The following HCN2 variants were observed in gnomAD, a reference collection of about 807,000 sequenced individuals.
HCN2 encodes hyperpolarization activated cyclic nucleotide gated potassium and sodium channel 2, also known as potassium/sodium hyperpolarization-activated cyclic nucleotide-gated channel 2.
A neutral mutation model predicts 52.3 loss-of-function variants in HCN2; 20 were observed. The ratio of observed to expected loss-of-function variants is 0.38; its 90% CI spans 0.27 to 0.56. The LOEUF (loss-of-function observed/expected upper bound fraction) is 0.56. Among genes scored for constraint, HCN2 ranks in the 20% least tolerant of loss-of-function variants. The probability of loss-of-function intolerance (pLI) is 0.71; values close to 1 mark genes in which losing one functional copy is unlikely to be tolerated. For missense variants in HCN2, 981 were observed against 1,207.7 expected, an observed-to-expected ratio of 0.81 and a Z score of 2.78; for synonymous variants, 694 against 537.0, an observed-to-expected ratio of 1.29 and a Z score of -4.04.
chr19:596,334 G>A (rs1029652072), intron 1 of HCN2, among the ~76,000 whole-genome samples: 3 of 152,284 alleles, frequency 2.0e-5, no homozygotes, highest in South Asian at 4.1e-4. Flanking sequence ...GTCAGGTGCC[G>A]GGGGCCCCAC....
intron 3 of HCN2, 79 bp downstream of exon 3, chr19:605,301 T>TCAAGTGGCACGCTC: frequency 7.2e-7 from 1 of 1,389,852 alleles, no homozygotes; most frequent in Admixed American, 2.2e-5. Context: ...TTATCCCGCT[T>TCAAGTGGCACGCTC]ACAGAGGGTT....
intron 6 of HCN2, among the ~76,000 whole-genome samples, 174 bp downstream of exon 6, chr19:613,662 CGGGGATGGGGATGG>C (rs1156401344): frequency 0.018 from 238 of 13,172 alleles, 17 homozygotes; most frequent in Non-Finnish European, 0.026. Flanking sequence ...GGGATGGGGC[CGGGGATGGGGATGG>C]GGCCGGGGAT....
chr19:603,976 G>T lies in HCN2; in HGVS notation c.1056+9G>T. On this transcript the variant is annotated intron_variant, in intron 2 of 7. Transcript: ENST00000251287. ...TCCATCAGTGGGAGGAGGTGAGGTG[G>T]GGCGGGGGCGGGGCCAAGGCAGCAG... 6.3e-7 allele frequency: 1 copy of T among 1,589,426 alleles called. No individual in the cohort carries two copies. The highest frequency in any genetic ancestry group is 8.5e-7 in the Non-Finnish European group (1 of 1,170,164).
At chr19:613,112 GGT>G in intron 5 of HCN2, 134 bp from the exon 6 acceptor site, 12 of 1,198,656 alleles carry the variant, frequency 1.0e-5, no homozygotes, top group Non-Finnish European at 1.4e-5. Flanking sequence ...GCAGCAGCTC[GGT>G]TCCGGCTACG....
rs766002207 is a variant in HCN2, at chr19:608,014, C to T, written c.1269C>T (p.Ser423=). Residue 423 remains serine (S), a synonymous_variant, in exon 4 of 8, where the codon AGC becomes AGT. Transcript: ENST00000251287. ...LYSFALFKAM[S]HMLCIGYGRQ... ...CCTTCGCACTCTTCAAGGCCATGAG[C>T]CACATGCTGTGCATCGGGTACGGCC... 1.2e-6 allele frequency: 2 copies of T among 1,613,038 alleles called. No homozygotes were observed. The highest frequency in any genetic ancestry group is 1.7e-5 in the Admixed American group (1 of 60,034).
chr19:600,163 G>A (rs753850872), intron 1 of HCN2, among the ~76,000 whole-genome samples: 2 of 152,038 alleles, frequency 1.3e-5, no homozygotes, highest in Non-Finnish European at 2.9e-5. Context: ...GAGCCCAGAG[G>A]TTTTTGTTTT....
In HCN2 at chr19:615,703, G is replaced by C. The variant is rs548600702; in HGVS notation, c.1991-92G>C. ...ATGCTTGCTCTACACGGCAAGCACT[G>C]TGTGCGCACCCGCGGTGCAGAGTAG... is the stretch of plus-strand genomic sequence containing the variant. On this transcript the variant is annotated intron_variant, in intron 7 of 7. Coordinates refer to ENST00000251287, the MANE Select transcript of HCN2 (RefSeq NM_001194.4). The C allele has an allele frequency of 1.1e-4, 139 of 1,254,446 alleles. 1 individual carries two copies. The African/African-American group carries it at 2.0e-3, about 18-fold the overall frequency. The allele number at this position is 1,254,446 out of a possible 1,614,324, so 77.7% of individuals were successfully genotyped here. A position where few individuals can be genotyped will look rare whatever the true frequency, so the allele number is the denominator to read the frequency against.
intron 7 of HCN2, among the ~76,000 whole-genome samples, chr19:615,203 C>T (rs571685097): frequency 6.6e-6 from 1 of 152,224 alleles, no homozygotes; most frequent in East Asian, 1.9e-4. Flanking sequence ...TCCATGTACA[C>T]AGCAGGCATT....
chr19:594,080 C>T (rs888844115), intron 1 of HCN2, among the ~76,000 whole-genome samples: 10 of 150,682 alleles, frequency 6.6e-5, no homozygotes, highest in Admixed American at 5.9e-4. Context: ...CTGGAGGTCT[C>T]TGCACGAGAA....
In HCN2 at chr19:603,634, T is replaced by C. The variant is rs56131056; in HGVS notation, c.723T>C (p.Thr241=). 0.13 allele frequency: 211,785 copies of C among 1,606,928 alleles called. 18,926 individuals are homozygous for C. The highest frequency in any genetic ancestry group is 0.36 in the South Asian group (32,981 of 90,734). The part of the protein sequence containing the change: ...VGITFFKDET[T]APWIVFNVVS... Reference sequence around the variant, plus strand: ...TCACCTTCTTCAAGGATGAGACCACTGCCCCGTGGATCGTGTTCAACGTGG... The same window carrying C: ...TCACCTTCTTCAAGGATGAGACCACCGCCCCGTGGATCGTGTTCAACGTGG... The change falls in exon 2 of 8, where the codon ACT becomes ACC. Residue 241 remains threonine (T), a synonymous_variant. Transcript: ENST00000251287.
In HCN2 at chr19:591,237, T is replaced by C. The variant is rs1284448432; in HGVS notation, c.632+660T>C. ...CCGCCACTGATGTTTGCGGTCGTGGTTCCTGGGCTGTGCGTGCTGTGGCCG... is the reference window on the plus strand; with the variant it reads ...CCGCCACTGATGTTTGCGGTCGTGGCTCCTGGGCTGTGCGTGCTGTGGCCG... On this transcript the variant is annotated intron_variant, in intron 1 of 7. Transcript: ENST00000251287. The surrounding 1 kb of genome is among the most constrained non-coding windows in gnomAD (Gnocchi z 4.1). The C allele has an allele frequency of 6.6e-6, 1 of 152,350 alleles. No homozygotes were observed. The highest frequency in any genetic ancestry group is 1.5e-5 in the Non-Finnish European group (1 of 68,174). 9.4% of individuals were successfully genotyped at this position (152,350 alleles called of 1,614,324 possible). A position where few individuals can be genotyped will look rare whatever the true frequency, so the allele number is the denominator to read the frequency against.
intron 6 of HCN2, 130 bp downstream of exon 6, chr19:613,618 GATGGGGATGGGGAT>G (rs1568368685): frequency 1.3e-5 from 2 of 156,186 alleles, no homozygotes; most frequent in Admixed American, 1.9e-4. Flanking sequence ...CGGGGATGGG[GATGGGGATGGGGAT>G]GGGGCCGGGG....
intron 6 of HCN2, 34 bp from the exon 7 acceptor site, chr19:613,818 C>G (rs200565536): frequency 2.0e-6 from 3 of 1,479,798 alleles, no homozygotes; most frequent in East Asian, 2.6e-5. Flanking sequence ...GCGCCCGCCT[C>G]GTCCAGCAAC....
Position 616,212 on chromosome 19 carries a change from T to C in HCN2, c.2408T>C (p.Leu803Pro), listed in dbSNP as rs1983911527. Residue 803 changes from leucine (L) to proline (P), a missense_variant, in exon 8 of 8, where the codon CTT becomes CCT. This residue lies in a region of HCN2 where 368 missense variants were observed against 314.8 expected (regional missense o/e 1.17). Coordinates refer to ENST00000251287, the MANE Select transcript of HCN2 (RefSeq NM_001194.4). ...SPYGGLPAAP[L>P]AGPALPARRL... The stretch of plus-strand genomic sequence containing the variant: ...TACGGCGGCCTGCCCGCCGCCCCCC[T>C]TGCTGGGCCCGCCCTGCCCGCGCGC... 1.0e-6 allele frequency: 1 copy of C among 956,018 alleles called. No homozygotes were observed. Among genetic ancestry groups the C allele is most frequent in the Non-Finnish European group, 1.2e-6 (1 of 823,256 alleles). The allele number at this position is 956,018 out of a possible 1,614,324, so 59.2% of individuals were successfully genotyped here.
In HCN2 at chr19:613,834, C is replaced by G. The variant is rs56390973; in HGVS notation, c.1826-18C>G. The G allele has an allele frequency of 3.9e-4, 598 of 1,532,356 alleles. No individual in the cohort carries two copies. The highest frequency in any genetic ancestry group is 9.4e-4 in the Middle Eastern group (4 of 4,254). The allele number at this position is 1,532,356 out of a possible 1,614,324, so 94.9% of individuals were successfully genotyped here. A position where few individuals can be genotyped will look rare whatever the true frequency, so the allele number is the denominator to read the frequency against. ...CGCCCGCCTCGTCCAGCAACCCCCC[C>G]CTGCGCGCCACGTGCAGAGATCTGC... On this transcript the variant is annotated intron_variant, in intron 6 of 7. Transcript: ENST00000251287.
At chr19:615,501 A>G (rs948330050) in intron 7 of HCN2, among the ~76,000 whole-genome samples, 1 of 152,172 alleles carries the variant, frequency 6.6e-6, no homozygotes, top group African/African-American at 2.4e-5. Flanking sequence ...GCGACAGAGC[A>G]AGACTCCGTC....
chr19:598,187 C>T (rs1402098833), intron 1 of HCN2, among the ~76,000 whole-genome samples: 5 of 152,230 alleles, frequency 3.3e-5, no homozygotes, highest in Non-Finnish European at 7.3e-5. Flanking sequence ...GACTGGGGGC[C>T]TGAGCCCTCA....
chr19:604,785 GTGGATTTGGGGGGTGTC>G (rs1983357254), intron 2 of HCN2, among the ~76,000 whole-genome samples: 1 of 93,672 alleles, frequency 1.1e-5, no homozygotes, highest in African/African-American at 5.7e-5. Flanking sequence ...GTGGGGAGCT[GTGGATTTGGGGGGTGTC>G]CTAGGGCGGG....
intron 7 of HCN2, among the ~76,000 whole-genome samples, chr19:615,324 A>G (rs1465387328): frequency 6.6e-6 from 1 of 152,000 alleles, no homozygotes. Context: ...CCTGGCTAAC[A>G]TGGTGAAACC....
Sources: allele counts gnomAD v4.1 joint callset (sites outside exome capture counted in the v4.1 genomes callset), GRCh38; gene constraint gnomAD v4.1.1; regional missense constraint gnomAD v4.1.1; non-coding constraint Gnocchi (gnomAD v3.1); transcripts MANE v1.5; gene names NCBI Gene and HGNC (gene_info 2026-07-23, HGNC 2026-07-21).